RFX3: variants seen among roughly 807,000 people sequenced by gnomAD.
The protein encoded by RFX3 is transcription factor RFX3.
A neutral mutation model predicts 98.6 loss-of-function variants in RFX3; 14 were observed. That is an observed-to-expected ratio of 0.14 (90% CI 0.09 to 0.22). The LOEUF (loss-of-function observed/expected upper bound fraction) is 0.22. RFX3 is among the 10% of genes least tolerant of loss of function. The probability of loss-of-function intolerance (pLI) is 1.00; values close to 1 mark genes in which losing one functional copy is unlikely to be tolerated. For missense variants in RFX3, 639 were observed against 926.9 expected (o/e 0.69, Z 4.03); for synonymous variants, 383 against 328.4 (o/e 1.17, Z -1.80).
intron 11 of RFX3, among the ~76,000 whole-genome samples, chr9:3,268,727 G>C (rs920150086): frequency 6.6e-6 from 1 of 151,836 alleles, no homozygotes. Context: ...TTATGGGCTT[G>C]AATTAAACTA....
chr9:3,233,023 G>A (rs1001518685), intron 15 of RFX3, among the ~76,000 whole-genome samples: 2 of 152,244 alleles, frequency 1.3e-5, no homozygotes, highest in Admixed American at 6.5e-5. Flanking sequence ...AGAACAGACA[G>A]TAGAGAAAGC....
intron 11 of RFX3, among the ~76,000 whole-genome samples, chr9:3,268,699 T>C (rs150467375): frequency 1.0e-3 from 152 of 152,054 alleles, no homozygotes; most frequent in African/African-American, 3.4e-3. Flanking sequence ...CAAAGGCCAG[T>C]GTATTGTGTA....
chr9:3,391,904 A>C (rs1344714750), intron 2 of RFX3, among the ~76,000 whole-genome samples: 1 of 152,192 alleles, frequency 6.6e-6, no homozygotes, highest in African/African-American at 2.4e-5. Context: ...TTCATTGAGG[A>C]ATACCAAGCA....
rs752304165 is a variant in RFX3 at position 3,288,271 on chromosome 9, C to T, written c.732-21G>A. The T allele has an allele frequency of 3.1e-5, 50 of 1,608,758 alleles. No individual in the cohort carries two copies. The Middle Eastern group carries it at 1.2e-3, about 37-fold the overall frequency. On this transcript the variant is annotated intron_variant, in intron 6 of 16. Coordinates refer to ENST00000617270, the MANE Select transcript of RFX3 (RefSeq NM_001282116.2). The stretch of plus-strand genomic sequence containing the variant: ...TTCCTCTTCATTAATGAACAAGAAA[C>T]ATTAGAAACAAAAGTCAGTCAAACT...
chr9:3,467,918 C>G (rs558657850), intron 1 of RFX3, among the ~76,000 whole-genome samples: 29 of 152,266 alleles, frequency 1.9e-4, no homozygotes, highest in Admixed American at 1.6e-3. Flanking sequence ...CATGCAGCAG[C>G]AATCACCAAG....
At chr9:3,245,434 G>A (rs555736458) in intron 15 of RFX3, among the ~76,000 whole-genome samples, 10 of 152,304 alleles carry the variant, frequency 6.6e-5, no homozygotes, top group African/African-American at 2.2e-4. Context: ...TCATGCAAGA[G>A]CTCATGTTAG....
intron 4 of RFX3, among the ~76,000 whole-genome samples, chr9:3,314,280 T>C (rs150015722): frequency 3.9e-5 from 6 of 151,990 alleles, no homozygotes; most frequent in Non-Finnish European, 7.4e-5. Context: ...CTAAGCTTCA[T>C]AAGTGAAAGA....
At chr9:3,394,236 G>A (rs948769087) in intron 2 of RFX3, among the ~76,000 whole-genome samples, 2 of 152,052 alleles carry the variant, frequency 1.3e-5, no homozygotes, top group Non-Finnish European at 2.9e-5. Flanking sequence ...GGTCGAGGTG[G>A]GCGGATCACG....
intron 4 of RFX3, among the ~76,000 whole-genome samples, chr9:3,310,003 T>C (rs1829776700): frequency 6.6e-6 from 1 of 152,176 alleles, no homozygotes; most frequent in African/African-American, 2.4e-5. Flanking sequence ...AAAGAGGCTT[T>C]GTGTGACCGT....
intron 13 of RFX3, among the ~76,000 whole-genome samples, chr9:3,262,184 T>C (rs1277817055): frequency 6.6e-6 from 1 of 152,184 alleles, no homozygotes; most frequent in African/African-American, 2.4e-5. Flanking sequence ...TTGTTGCTTA[T>C]GCTTTTGGTG....
chr9:3,403,148 A>T (rs1404796531), intron 1 of RFX3, among the ~76,000 whole-genome samples: 1 of 152,120 alleles, frequency 6.6e-6, no homozygotes, highest in Non-Finnish European at 1.5e-5. Context: ...TACGAATATA[A>T]AACACTTGGC....
chr9:3,323,936 A>ACAG, intron 4 of RFX3: 2 of 349,968 alleles, frequency 5.7e-6, no homozygotes, highest in Non-Finnish European at 6.6e-6. Flanking sequence ...TGAATGGAAT[A>ACAG]CAGATGAAGT....
chr9:3,225,140 G>A lies in RFX3; in HGVS notation c.2152C>T (p.Pro718Ser), dbSNP rs1322124778. ...MQPVLETGVQPSLLNPIHSEH... is the reference protein window; with the variant it reads ...MQPVLETGVQSSLLNPIHSEH... ...CTGTGAATTGGATTCAGGAGGCTTG[G>A]TTGCACGCCAGTCTCGAGAACAGGC... The change falls in exon 17 of 17, where the codon CCA (proline) becomes TCA (serine). Residue 718 changes from proline (P) to serine (S), a missense_variant. Physicochemically the swap from Pro to Ser is moderately conservative, Grantham distance 74 (BLOSUM62 -1). Around this residue, in one of 9 missense-constraint regions of RFX3, gnomAD observed 129 missense variants for 124.6 expected, o/e 1.04. Transcript: ENST00000617270. 1.2e-6 allele frequency: 2 copies of A among 1,613,978 alleles called. No homozygotes were observed. Among genetic ancestry groups the A allele is most frequent in the South Asian group, 1.1e-5 (1 of 91,084 alleles).
rs747745887 is a variant in RFX3, at chr9:3,417,004, GAC to G, written c.-8-21410_-8-21409del. ...TCTACAAGAAATGCACTTTAAATAT[GAC>G]ACAGATAGATTAAAATTAAAATGAT... On this transcript the variant is annotated intron_variant, in intron 1 of 16. Transcript: ENST00000617270. Among the ~76,000 whole-genome samples the G allele has an allele frequency of 6.6e-5, 10 of 151,722 alleles. No homozygotes were observed. The South Asian group carries it at 1.7e-3, about 25-fold the overall frequency.
At chr9:3,508,881 ACTG>A (rs377271933) in intron 1 of RFX3, among the ~76,000 whole-genome samples, 1 of 151,888 alleles carries the variant, frequency 6.6e-6, no homozygotes, top group African/African-American at 2.4e-5. Context: ...TAGGGCTCAA[ACTG>A]CTCATCTTTA....
At chr9:3,504,945 A>ATTT (rs1816740168) in intron 1 of RFX3, among the ~76,000 whole-genome samples, 1 of 69,072 alleles carries the variant, frequency 1.4e-5, no homozygotes, top group African/African-American at 7.5e-5. Flanking sequence ...AATATATATA[A>ATTT]TATAATATAT....
chr9:3,461,031 C>G (rs2133055849), intron 1 of RFX3, among the ~76,000 whole-genome samples: 1 of 151,408 alleles, frequency 6.6e-6, no homozygotes, highest in African/African-American at 2.4e-5. Flanking sequence ...TACATTTTAA[C>G]ATTCATCGCT....
chr9:3,340,028 C>T (rs1833684126), intron 3 of RFX3, among the ~76,000 whole-genome samples: 2 of 152,180 alleles, frequency 1.3e-5, no homozygotes, highest in African/African-American at 4.8e-5. Context: ...GTAACCAAAA[C>T]AGCATGGTAC....
At chr9:3,322,548 AT>A (rs1056049399) in intron 4 of RFX3, among the ~76,000 whole-genome samples, 8 of 152,116 alleles carry the variant, frequency 5.3e-5, no homozygotes, top group Non-Finnish European at 1.2e-4. Context: ...CCCAGCCAAC[AT>A]GATGAAACCC....
Sources: allele counts gnomAD v4.1 joint callset (sites outside exome capture counted in the v4.1 genomes callset), GRCh38; gene constraint gnomAD v4.1.1; regional missense constraint gnomAD v4.1.1; transcripts MANE v1.5; gene names NCBI Gene and HGNC (gene_info 2026-07-23, HGNC 2026-07-21).